Variants in SPECC1L observed in about 807,000 individuals in gnomAD.
SPECC1L encodes sperm antigen with calponin homology and coiled-coil domains 1 like.
Under a neutral mutation model 116.8 loss-of-function variants are expected in SPECC1L, and 40 were observed. The ratio of observed to expected loss-of-function variants is 0.34; its 90% CI spans 0.27 to 0.45. SPECC1L has a LOEUF of 0.45. SPECC1L is among the 20% of genes least tolerant of loss of function. The probability of loss-of-function intolerance (pLI) is 1.00; values close to 1 mark genes in which losing one functional copy is unlikely to be tolerated. For synonymous variants in SPECC1L, 504 were observed against 500.6 expected, an observed-to-expected ratio of 1.01 and a Z score of -0.09; for missense variants, 1,110 against 1,373.6, an observed-to-expected ratio of 0.81 and a Z score of 3.03.
chr22:24,304,616 C>G (rs981056803), intron 3 of SPECC1L, among the ~76,000 whole-genome samples: 2 of 152,164 alleles, frequency 1.3e-5, no homozygotes, highest in Non-Finnish European at 2.9e-5. Flanking sequence ...ACTTACTGTT[C>G]AGGTGTTCAT....
At chr22:24,284,688 G>T (rs574928791) in intron 2 of SPECC1L, among the ~76,000 whole-genome samples, 4 of 152,112 alleles carry the variant, frequency 2.6e-5, no homozygotes, top group Non-Finnish European at 5.9e-5. Flanking sequence ...GCCTGCCTTG[G>T]CCTCTGAAAG....
intron 13 of SPECC1L, among the ~76,000 whole-genome samples, chr22:24,366,108 ACAGAAGGC>A (rs532352779): frequency 3.3e-5 from 5 of 152,100 alleles, no homozygotes; most frequent in Non-Finnish European, 7.4e-5. Flanking sequence ...GTAGACTGAT[ACAGAAGGC>A]CAGAAGAAGG....
At chr22:24,288,027 T>C (rs2146356753) in intron 2 of SPECC1L, among the ~76,000 whole-genome samples, 1 of 152,300 alleles carries the variant, frequency 6.6e-6, no homozygotes, top group Non-Finnish European at 1.5e-5. Flanking sequence ...CTGTATCCTT[T>C]CCTGGGGAAT....
At position 24,415,726 on chromosome 22, in the gene SPECC1L, A is replaced by G. The variant is rs1428424218; in HGVS notation, c.*1103A>G. 6.6e-6 allele frequency: 1 copy of G among 152,270 alleles called. No individual in the cohort carries two copies. The highest frequency in any genetic ancestry group is 1.5e-5 in the Non-Finnish European group (1 of 67,994). 9.4% of individuals were successfully genotyped at this position (152,270 alleles called of 1,614,324 possible). ...GGCCAAGGCAGGACCTCCAAGACTC[A>G]GTGGTTGAGTTGTCTCCTACCACCA... On this transcript the variant is annotated 3_prime_UTR_variant, in exon 17 of 17. Coordinates refer to ENST00000314328, the MANE Select transcript of SPECC1L (RefSeq NM_015330.6).
rs1568933396 is a variant in SPECC1L, at chr22:24,414,528, TG to T, written c.3265-5del. 2 of 1,613,686 alleles carry T rather than the reference TG, an allele frequency of 1.2e-6. No homozygotes were observed. Among genetic ancestry groups the T allele is most frequent in the East Asian group, 2.2e-5 (1 of 44,890 alleles). On this transcript the variant is annotated splice_polypyrimidine_tract_variant and splice_region_variant and intron_variant, in intron 16 of 16. Coordinates refer to ENST00000314328, the MANE Select transcript of SPECC1L (RefSeq NM_015330.6). ...GTTCTAACCAAGCGTCTTCCTTGTC[TG>T]TCAGGACATTAATGAAATGGTACGG...
chr22:24,364,750 GT>G (rs991211553), intron 12 of SPECC1L, among the ~76,000 whole-genome samples: 1 of 151,832 alleles, frequency 6.6e-6, no homozygotes, highest in African/African-American at 2.4e-5. Flanking sequence ...CTTTAACAGT[GT>G]TTTTGGCTGA....
chr22:24,368,640 G>GTTATT (rs1256540308), intron 13 of SPECC1L, among the ~76,000 whole-genome samples: 5 of 152,002 alleles, frequency 3.3e-5, no homozygotes, highest in African/African-American at 7.3e-5. Context: ...GACATAAACG[G>GTTATT]TTATTTTATT....
At chr22:24,296,251 T>C (rs1897910) in intron 2 of SPECC1L, among the ~76,000 whole-genome samples, 27,911 of 143,098 alleles carry the variant, frequency 0.2, 2,659 homozygotes, top group Admixed American at 0.25. Flanking sequence ...CCACCTGGGA[T>C]CATGTGAGGA....
chr22:24,276,356 C>T (rs1416008023), intron 1 of SPECC1L, among the ~76,000 whole-genome samples: 2 of 151,994 alleles, frequency 1.3e-5, no homozygotes, highest in Admixed American at 6.6e-5. Context: ...CTCCTGAGTC[C>T]AGGTGTTTGA....
chr22:24,277,125 T>TC (rs1174178653), intron 2 of SPECC1L, among the ~76,000 whole-genome samples: 2 of 152,254 alleles, frequency 1.3e-5, no homozygotes, highest in African/African-American at 4.8e-5. Flanking sequence ...CAACCCTAGT[T>TC]CCCTCATTTT....
intron 14 of SPECC1L, among the ~76,000 whole-genome samples, chr22:24,373,709 G>A (rs138934271): frequency 0.034 from 5,142 of 152,198 alleles, 176 homozygotes; most frequent in African/African-American, 0.083. Context: ...CAGGACATAG[G>A]CATGGGCAAG....
intron 11 of SPECC1L, among the ~76,000 whole-genome samples, chr22:24,349,661 T>G (rs1402907430): frequency 6.6e-6 from 1 of 152,196 alleles, no homozygotes; most frequent in East Asian, 1.9e-4. Flanking sequence ...TTCATGGCAG[T>G]TTCATCCTTA....
chr22:24,415,055 G>T lies in SPECC1L; in HGVS notation c.*432G>T, dbSNP rs1331028833. 4.1e-5 allele frequency: 10 copies of T among 244,412 alleles called. No individual in the cohort carries two copies. The highest frequency in any genetic ancestry group is 7.4e-5 in the Non-Finnish European group (9 of 121,382). The allele number at this position is 244,412 out of a possible 1,614,324, so 15.1% of individuals were successfully genotyped here. A position where few individuals can be genotyped will look rare whatever the true frequency, so the allele number is the denominator to read the frequency against. On this transcript the variant is annotated 3_prime_UTR_variant, in exon 17 of 17. Coordinates refer to ENST00000314328, the MANE Select transcript of SPECC1L (RefSeq NM_015330.6). ...CTGACTATTGGCTGGGGTGGGTTCC[G>T]GTGCTGGTGAGAACCCAGAAGGAGA...
chr22:24,378,799 A>G (rs986047018), intron 14 of SPECC1L, among the ~76,000 whole-genome samples: 9 of 152,320 alleles, frequency 5.9e-5, no homozygotes, highest in East Asian at 1.9e-4. Context: ...AACAATTACT[A>G]TAGTAACATC....
At chr22:24,324,972 G>A (rs554623454) in intron 6 of SPECC1L, among the ~76,000 whole-genome samples, 2 of 152,306 alleles carry the variant, frequency 1.3e-5, no homozygotes, top group South Asian at 4.1e-4. Flanking sequence ...AGAGAATAAT[G>A]GGGTTCATAA....
chr22:24,274,969 A>C lies in SPECC1L; in HGVS notation c.-141-1731A>C, dbSNP rs537093301. ...CTCACTTCATCTGATCATTGCCTTC[A>C]AAACTCAGCTCATTTTCTTATTTCC... On this transcript the variant is annotated intron_variant, in intron 1 of 16. Transcript: ENST00000314328. Among the ~76,000 whole-genome samples, 3 of 152,274 alleles carry C rather than the reference A, an allele frequency of 2.0e-5. No individual in the cohort carries two copies. The East Asian group carries it at 5.8e-4, about 29-fold the overall frequency.
At chr22:24,375,120 T>C (rs1356327939) in intron 14 of SPECC1L, among the ~76,000 whole-genome samples, 1 of 152,124 alleles carries the variant, frequency 6.6e-6, no homozygotes, top group Non-Finnish European at 1.5e-5. Context: ...ACTATCAAAA[T>C]GGACTCAAGA....
In SPECC1L at chr22:24,411,880, A is replaced by G. The variant is rs558152737; in HGVS notation, c.3204+176A>G. Among the ~76,000 whole-genome samples, 9 of 152,322 alleles carry G rather than the reference A, an allele frequency of 5.9e-5. No homozygotes were observed. The South Asian group carries it at 1.7e-3, about 28-fold the overall frequency. On this transcript the variant is annotated intron_variant, in intron 15 of 16. Coordinates refer to ENST00000314328, the MANE Select transcript of SPECC1L (RefSeq NM_015330.6). ...TGCTGAGCCCACCAGTCCCTGTCCC[A>G]CCTTGTGTGGAGTATTTGGTTGGTT...
At chr22:24,293,271 T>C (rs2049190690) in intron 2 of SPECC1L, among the ~76,000 whole-genome samples, 1 of 152,010 alleles carries the variant, frequency 6.6e-6, no homozygotes, top group Admixed American at 6.6e-5. Context: ...CTGGCCAACA[T>C]AGTTAAACCC....
Sources: gnomAD v4.1 joint callset for allele counts (sites outside exome capture counted in the v4.1 genomes callset) on GRCh38, gnomAD v4.1.1 for gene constraint, MANE v1.5 for transcripts, NCBI Gene and HGNC (gene_info 2026-07-23, HGNC 2026-07-21) for gene names.